HELZ: variants seen among roughly 807,000 people sequenced by gnomAD.
The protein encoded by HELZ is ATP-dependent RNA helicase with zinc finger domain.
A neutral mutation model predicts 218.2 loss-of-function variants in HELZ; 23 were observed. The ratio of observed to expected loss-of-function variants is 0.11; its 90% CI spans 0.08 to 0.15. The LOEUF (loss-of-function observed/expected upper bound fraction) is 0.15. Among genes scored for constraint, HELZ ranks in the 10% least tolerant of loss-of-function variants. HELZ has a pLI of 1.00. For synonymous variants in HELZ, 814 were observed against 829.4 expected (o/e 0.98, Z 0.32); for missense variants, 1,813 against 2,353.7 (o/e 0.77, Z 4.75).
chr17:67,080,958 G>A (rs552396415), intron 32 of HELZ, among the ~76,000 whole-genome samples: 36 of 152,298 alleles, frequency 2.4e-4, no homozygotes, highest in Non-Finnish European at 4.1e-4. Flanking sequence ...AATTGGACAC[G>A]TAGTTGCTCA....
intron 1 of HELZ, chr17:67,244,900 G>A: frequency 1.0e-6 from 1 of 986,018 alleles, no homozygotes; most frequent in East Asian, 1.1e-4. Flanking sequence ...CCAGGACGCT[G>A]CGGGCCCCAG....
At chr17:67,163,531 T>C (rs1289683288) in intron 15 of HELZ, among the ~76,000 whole-genome samples, 1 of 152,084 alleles carries the variant, frequency 6.6e-6, no homozygotes, top group African/African-American at 2.4e-5. Context: ...CCCGAGTAGC[T>C]GGGACTACAG....
intron 31 of HELZ, among the ~76,000 whole-genome samples, chr17:67,100,623 G>A (rs972804926): frequency 1.3e-5 from 2 of 152,000 alleles, no homozygotes; most frequent in East Asian, 1.9e-4. Flanking sequence ...CTACATAATC[G>A]TTTTGAGAAT....
chr17:67,213,430 T>G (rs2040508417), intron 5 of HELZ, among the ~76,000 whole-genome samples: 1 of 152,150 alleles, frequency 6.6e-6, no homozygotes, highest in Non-Finnish European at 1.5e-5. Context: ...CAGACCATCC[T>G]GGCCAACATG....
At chr17:67,199,636 C>T (rs1196117552) in intron 7 of HELZ, among the ~76,000 whole-genome samples, 1 of 152,010 alleles carries the variant, frequency 6.6e-6, no homozygotes, top group African/African-American at 2.4e-5. Flanking sequence ...CACAATCAGG[C>T]AACATAAGAC....
chr17:67,195,852 C>T (rs67485445), intron 7 of HELZ, among the ~76,000 whole-genome samples: 20,975 of 81,344 alleles, frequency 0.26, 1,667 homozygotes, highest in East Asian at 0.41. Flanking sequence ...TTTTTTTTTT[C>T]TTTTTTTTTT....
At chr17:67,126,809 G>A (rs1206856779) in intron 24 of HELZ, among the ~76,000 whole-genome samples, 2 of 141,736 alleles carry the variant, frequency 1.4e-5, no homozygotes, top group Non-Finnish European at 3.3e-5. Flanking sequence ...TGCAGTAAAA[G>A]TCAGATTGCA....
rs768985659 is a variant in HELZ at position 67,166,490 on chromosome 17, C to A, written c.1883G>T (p.Trp628Leu). 1 of 1,612,842 alleles carries A rather than the reference C, an allele frequency of 6.2e-7. No homozygotes were observed. The change falls in exon 15 of 33, where the codon TGG becomes TTG. Residue 628 changes from tryptophan to leucine, a missense_variant. Trp to Leu is a moderately conservative substitution (Grantham distance 61, BLOSUM62 -2). Transcript: ENST00000358691. ...PDISMTPTIPWSPNRQWDEQL... is the reference protein window; with the variant it reads ...PDISMTPTIPLSPNRQWDEQL... ...CGCCTTTTTGTACCTGTTAGGACTC[C>A]ATGGTATGGTGGGAGTCATACTGAT...
upstream of HELZ, chr17:67,245,416 C>G: frequency 1.1e-6 from 1 of 900,854 alleles, no homozygotes; most frequent in Non-Finnish European, 1.3e-6. Context: ...TTGGGGTTTT[C>G]TCCCTTTCTC....
At chr17:67,159,402 GAATTA>G (rs1258547131) in intron 17 of HELZ, among the ~76,000 whole-genome samples, 1 of 151,816 alleles carries the variant, frequency 6.6e-6, no homozygotes, top group East Asian at 1.9e-4. Context: ...GATTACTGAA[GAATTA>G]AATAACATAA....
At chr17:67,164,634 A>G (rs1419392064) in intron 15 of HELZ, among the ~76,000 whole-genome samples, 1 of 150,486 alleles carries the variant, frequency 6.6e-6, no homozygotes, top group Non-Finnish European at 1.5e-5. Context: ...TTTAAAAAGA[A>G]TAACATAAAG....
intron 5 of HELZ, among the ~76,000 whole-genome samples, chr17:67,208,447 G>A (rs929509814): frequency 2.0e-5 from 3 of 152,110 alleles, no homozygotes; most frequent in African/African-American, 4.8e-5. Flanking sequence ...TATGTAAGAC[G>A]TAATAACTGG....
chr17:67,082,991 G>A (rs955498144), intron 32 of HELZ, among the ~76,000 whole-genome samples: 1 of 151,318 alleles, frequency 6.6e-6, no homozygotes, highest in African/African-American at 2.4e-5. Context: ...CAAGTAGCTG[G>A]GATTACAGGC....
intron 3 of HELZ, among the ~76,000 whole-genome samples, chr17:67,229,713 T>G (rs2143415552): frequency 6.6e-6 from 1 of 152,340 alleles, no homozygotes; most frequent in Non-Finnish European, 1.5e-5. Context: ...TTTATTACCT[T>G]TTAGTTCATC....
At chr17:67,105,245 G>A (rs2037065116) in intron 31 of HELZ, among the ~76,000 whole-genome samples, 1 of 152,166 alleles carries the variant, frequency 6.6e-6, no homozygotes. Flanking sequence ...ATACATAGCT[G>A]TGGGAATATA....
chr17:67,171,421 C>T (rs1163819129), intron 13 of HELZ, among the ~76,000 whole-genome samples: 1 of 152,128 alleles, frequency 6.6e-6, no homozygotes, highest in African/African-American at 2.4e-5. Flanking sequence ...TCCAAGCCAA[C>T]CAAAAATCAA....
chr17:67,194,626 A>G (rs1345407408), intron 8 of HELZ, among the ~76,000 whole-genome samples: 1 of 152,204 alleles, frequency 6.6e-6, no homozygotes. Flanking sequence ...TGTGAATACA[A>G]TGAGCTTTGA....
intron 3 of HELZ, among the ~76,000 whole-genome samples, chr17:67,237,814 C>T (rs976830759): frequency 6.6e-6 from 1 of 150,796 alleles, no homozygotes; most frequent in Non-Finnish European, 1.5e-5. Context: ...CATGGTGAAC[C>T]CCCATCTCCA....
At chr17:67,124,969 C>A (rs748188504) in intron 24 of HELZ, among the ~76,000 whole-genome samples, 2 of 151,294 alleles carry the variant, frequency 1.3e-5, no homozygotes, top group African/African-American at 4.9e-5. Context: ...TAGACACACA[C>A]AAATTTGTAA....
Sources: gnomAD v4.1 joint callset for allele counts (sites outside exome capture counted in the v4.1 genomes callset) on GRCh38, gnomAD v4.1.1 for gene constraint, MANE v1.5 for transcripts, NCBI Gene and HGNC (gene_info 2026-07-23, HGNC 2026-07-21) for gene names.